C10orf90: variants seen among roughly 807,000 people sequenced by gnomAD.
C10orf90 encodes (E2-independent) E3 ubiquitin-conjugating enzyme FATS.
Under a neutral mutation model 62.5 loss-of-function variants are expected in C10orf90, and 56 were observed. The ratio of observed to expected loss-of-function variants is 0.90; its 90% CI spans 0.72 to 1.12. The LOEUF is 1.12. Ranked by LOEUF, C10orf90 falls within the 50% of genes most tolerant of loss-of-function variation. The probability of loss-of-function intolerance (pLI) is 0.00; values close to 1 mark genes in which losing one functional copy is unlikely to be tolerated. For synonymous variants in C10orf90, 386 were observed against 340.4 expected, an observed-to-expected ratio of 1.13 and a Z score of -1.47; for missense variants, 970 against 880.4, an observed-to-expected ratio of 1.10 and a Z score of -1.29.
intron 2 of C10orf90, among the ~76,000 whole-genome samples, chr10:126,593,516 A>G (rs576295271): frequency 2.0e-4 from 30 of 152,234 alleles, no homozygotes; most frequent in African/African-American, 7.0e-4. Flanking sequence ...GGATACATGG[A>G]GTGGGGAACA....
intron 2 of C10orf90, among the ~76,000 whole-genome samples, chr10:126,627,982 T>C (rs758913735): frequency 3.9e-5 from 6 of 152,344 alleles, no homozygotes; most frequent in Non-Finnish European, 8.8e-5. Flanking sequence ...AAAACTTGCT[T>C]GTTCTTTTAA....
At position 126,532,842 on chromosome 10, in the gene C10orf90, C is replaced by CAAAAAAAAAAA. The variant is rs1269013268; in HGVS notation, c.314-18914_314-18904dup. 1.8e-3 allele frequency among the ~76,000 whole-genome samples: 22 copies of CAAAAAAAAAAA among 12,092 alleles called. 4 individuals carry two copies. The highest frequency in any genetic ancestry group is 8.1e-3 in the East Asian group (3 of 372). The allele number at this position is 12,092 out of a possible 152,430, so 7.9% of individuals were successfully genotyped here. On this transcript the variant is annotated intron_variant, in intron 2 of 9. Transcript: ENST00000488181. Reference sequence around the variant, plus strand: ...TGGGCAACAGAGCGAGACTACGTCTCAAAAAAAAAAAAAAATAGTGAGCAC... The same window carrying CAAAAAAAAAAA: ...TGGGCAACAGAGCGAGACTACGTCTCAAAAAAAAAAAAAAAAAAAAAAAAAATAGTGAGCAC...
intron 4 of C10orf90, among the ~76,000 whole-genome samples, chr10:126,501,541 A>G (rs1226006449): frequency 6.6e-6 from 1 of 152,152 alleles, no homozygotes; most frequent in African/African-American, 2.4e-5. Flanking sequence ...ACCTTGGGCA[A>G]ATAGAGCTGA....
intron 7 of C10orf90, among the ~76,000 whole-genome samples, chr10:126,437,478 C>T (rs976650577): frequency 1.5e-4 from 23 of 152,022 alleles, no homozygotes; most frequent in African/African-American, 5.1e-4. Flanking sequence ...GTTTGAGGAC[C>T]GCTGTTACCT....
At chr10:126,507,673 A>ATC (rs1428321855) in intron 3 of C10orf90, among the ~76,000 whole-genome samples, 4 of 152,098 alleles carry the variant, frequency 2.6e-5, no homozygotes, top group African/African-American at 9.7e-5. Context: ...AGCAGTTGTC[A>ATC]GCCCAGGGTT....
chr10:126,613,551 T>C (rs1845482211), intron 2 of C10orf90, among the ~76,000 whole-genome samples: 1 of 152,210 alleles, frequency 6.6e-6, no homozygotes, highest in African/African-American at 2.4e-5. Flanking sequence ...CGGCCTCAGA[T>C]GACTATTTTA....
At chr10:126,496,352 T>C (rs867795264) in intron 4 of C10orf90, among the ~76,000 whole-genome samples, 8 of 152,238 alleles carry the variant, frequency 5.3e-5, no homozygotes, top group East Asian at 1.9e-4. Context: ...CTCTTGGGAA[T>C]GATCTGGAAA....
At chr10:126,609,984 G>A (rs1436186629) in intron 2 of C10orf90, among the ~76,000 whole-genome samples, 1 of 152,164 alleles carries the variant, frequency 6.6e-6, no homozygotes. Flanking sequence ...GCCTTCCCAG[G>A]AGCCTCCAGG....
chr10:126,631,782 C>A lies in C10orf90; in HGVS notation c.313+14783G>T, dbSNP rs181714824. 4.9e-4 allele frequency among the ~76,000 whole-genome samples: 74 copies of A among 151,728 alleles called. No individual in the cohort carries two copies. The East Asian group carries it at 0.011, about 23-fold the overall frequency. On this transcript the variant is annotated intron_variant, in intron 2 of 9. Transcript: ENST00000488181. Reference sequence around the variant, plus strand: ...AATTGAGGACAGGCAGCATAAACACCAAGACCCAGCAAGCAGAGGCACAGG... The same window carrying A: ...AATTGAGGACAGGCAGCATAAACACAAAGACCCAGCAAGCAGAGGCACAGG...
At chr10:126,521,008 C>T in intron 2 of C10orf90, 1 of 317,302 alleles carries the variant, frequency 3.2e-6, no homozygotes, top group South Asian at 9.4e-5. Context: ...GTCACATTCA[C>T]AGGGATCAGG....
intron 1 of C10orf90, among the ~76,000 whole-genome samples, chr10:126,656,685 G>A (rs1591179666): frequency 6.6e-6 from 1 of 152,206 alleles, no homozygotes. Context: ...GCCAGGGACT[G>A]GGCTTGGAAG....
chr10:126,515,583 C>A (rs1863396854), intron 2 of C10orf90, among the ~76,000 whole-genome samples: 1 of 152,162 alleles, frequency 6.6e-6, no homozygotes, highest in African/African-American at 2.4e-5. Flanking sequence ...GGAGGCTATA[C>A]CATCTAGGTT....
chr10:126,482,973 T>C (rs1861241133), intron 4 of C10orf90, among the ~76,000 whole-genome samples: 1 of 152,242 alleles, frequency 6.6e-6, no homozygotes, highest in Non-Finnish European at 1.5e-5. Context: ...TTAGGTACTC[T>C]TGCTGAATAA....
chr10:126,594,824 C>T (rs1036049572), intron 2 of C10orf90, among the ~76,000 whole-genome samples: 5 of 151,860 alleles, frequency 3.3e-5, no homozygotes, highest in Non-Finnish European at 7.4e-5. Flanking sequence ...GGGATATGGC[C>T]AGCAAGTAGT....
intron 2 of C10orf90, among the ~76,000 whole-genome samples, chr10:126,617,322 AAAG>A (rs1845560791): frequency 6.6e-6 from 1 of 152,176 alleles, no homozygotes; most frequent in African/African-American, 2.4e-5. Flanking sequence ...AGGCCAATGA[AAAG>A]AAAGTTCTGC....
chr10:126,611,951 CTTTAAA>C (rs975125879), intron 2 of C10orf90, among the ~76,000 whole-genome samples: 5 of 152,226 alleles, frequency 3.3e-5, no homozygotes, highest in African/African-American at 1.2e-4. Context: ...GACTATTAAA[CTTTAAA>C]TTTATTTTAA....
rs972889461 is a variant in C10orf90 at position 126,626,229 on chromosome 10, C to T, written c.313+20336G>A. ...ACAGAAGGTGGGTATCACAGAAGGC[C>T]CCAGGGAAGGCTGGCCATTGCCTCC... On this transcript the variant is annotated intron_variant, in intron 2 of 9. Transcript: ENST00000488181. Among the ~76,000 whole-genome samples, 13 of 152,206 alleles carry T rather than the reference C, an allele frequency of 8.5e-5. No homozygotes were observed. In the Middle Eastern group the frequency reaches 0.01, roughly 119 times the overall value.
rs139202127 is a variant in C10orf90 at position 126,656,101 on chromosome 10, T to C, written c.241-9464A>G. Among the ~76,000 whole-genome samples, 654 of 152,272 alleles carry C rather than the reference T, an allele frequency of 4.3e-3. 9 individuals carry two copies. The highest frequency in any genetic ancestry group is 4.5e-3 in the Non-Finnish European group (305 of 68,024). On this transcript the variant is annotated intron_variant, in intron 1 of 9. Coordinates refer to ENST00000488181, the MANE Select transcript of C10orf90 (RefSeq NM_001350921.2). Reference sequence around the variant, plus strand: ...AGCAAAATTTGGTCCTTAAGAGCTTTATAACAGAAAAATCGTAGCAGCCAC... The same window carrying C: ...AGCAAAATTTGGTCCTTAAGAGCTTCATAACAGAAAAATCGTAGCAGCCAC...
At chr10:126,507,173 C>T (rs902219727) in intron 3 of C10orf90, among the ~76,000 whole-genome samples, 3 of 151,892 alleles carry the variant, frequency 2.0e-5, no homozygotes, top group African/African-American at 4.8e-5. Flanking sequence ...CTGGCTAACA[C>T]GGTGAAACTC....
Sources: gnomAD v4.1 joint callset for allele counts (sites outside exome capture counted in the v4.1 genomes callset) on GRCh38, gnomAD v4.1.1 for gene constraint, MANE v1.5 for transcripts, NCBI Gene and HGNC (gene_info 2026-07-23, HGNC 2026-07-21) for gene names.